Variants in DOCK4 observed in about 807,000 individuals in gnomAD.
The protein encoded by DOCK4 is dedicator of cytokinesis protein 4.
In DOCK4, 97 loss-of-function variants were observed where a neutral mutation model predicts 268.1. The observed-to-expected ratio is 0.36, with a 90% CI of 0.31 to 0.43. The LOEUF is 0.43. DOCK4 is among the 20% of genes least tolerant of loss of function. The probability of loss-of-function intolerance (pLI) is 1.00; values close to 1 mark genes in which losing one functional copy is unlikely to be tolerated. For missense variants in DOCK4, 2,145 were observed against 2,455.7 expected, an observed-to-expected ratio of 0.87 and a Z score of 2.67; for synonymous variants, 954 against 887.2, an observed-to-expected ratio of 1.08 and a Z score of -1.34.
intron 41 of DOCK4, 42 bp downstream of exon 41, chr7:111,758,582 G>GTCTA (rs1797188500): frequency 1.2e-6 from 2 of 1,605,926 alleles, no homozygotes; most frequent in Non-Finnish European, 1.7e-6. Flanking sequence ...GGGGCTCGCA[G>GTCTA]TCTATCTGAG....
chr7:112,097,276 A>G (rs575725034), intron 1 of DOCK4, among the ~76,000 whole-genome samples: 11 of 152,332 alleles, frequency 7.2e-5, no homozygotes, highest in African/African-American at 2.6e-4. Flanking sequence ...GAAGGATGAA[A>G]AAGATTCAGG....
chr7:111,905,257 G>T (rs1228287812), intron 13 of DOCK4, among the ~76,000 whole-genome samples: 1 of 152,198 alleles, frequency 6.6e-6, no homozygotes. Context: ...CATCAAGTCA[G>T]TATGAAATGG....
intron 13 of DOCK4, among the ~76,000 whole-genome samples, chr7:111,905,196 CAT>C (rs1175963499): frequency 6.6e-6 from 1 of 152,176 alleles, no homozygotes; most frequent in African/African-American, 2.4e-5. Flanking sequence ...GGAGAAAACT[CAT>C]GAGTCCAAAT....
chr7:111,734,972 C>T, intron 51 of DOCK4, 82 bp downstream of exon 51: 1 of 1,117,854 alleles, frequency 8.9e-7, no homozygotes, highest in Non-Finnish European at 1.3e-6. Flanking sequence ...GCCTACCTTT[C>T]TCTCAGGAAT....
chr7:111,906,139 C>G (rs1223772789), intron 13 of DOCK4, among the ~76,000 whole-genome samples: 1 of 152,060 alleles, frequency 6.6e-6, no homozygotes, highest in Admixed American at 6.6e-5. Flanking sequence ...AAATAAGCTA[C>G]TGCAATTCAG....
intron 8 of DOCK4, chr7:111,953,572 G>A (rs563960787): frequency 6.6e-6 from 1 of 152,334 alleles, no homozygotes; most frequent in Admixed American, 6.5e-5. Context: ...GAATTGTTGA[G>A]CTAAAGGCAA....
chr7:112,098,709 C>T (rs182561865), intron 1 of DOCK4, among the ~76,000 whole-genome samples: 19 of 148,414 alleles, frequency 1.3e-4, no homozygotes, highest in African/African-American at 4.2e-4. Flanking sequence ...TGTAATTTTA[C>T]ATAATTATAT....
intron 1 of DOCK4, among the ~76,000 whole-genome samples, chr7:112,129,700 T>G (rs1032694410): frequency 2.6e-5 from 4 of 152,176 alleles, no homozygotes; most frequent in African/African-American, 9.7e-5. Flanking sequence ...TTATAATTAT[T>G]TCAAATGTAA....
At chr7:112,176,548 G>T (rs12672710) in intron 1 of DOCK4, among the ~76,000 whole-genome samples, 18,812 of 152,006 alleles carry the variant, frequency 0.12, 1,299 homozygotes, top group Admixed American at 0.19. Flanking sequence ...AAATGTATTG[G>T]AAAAAAACTA....
intron 8 of DOCK4, chr7:111,976,917 T>C (rs1798248916): frequency 2.2e-6 from 1 of 458,418 alleles, no homozygotes; most frequent in African/African-American, 1.9e-5. Context: ...TCTGATTCTA[T>C]AGCCCTTATG....
intron 52 of DOCK4, among the ~76,000 whole-genome samples, chr7:111,730,724 T>C (rs143228706): frequency 5.4e-4 from 82 of 152,256 alleles, no homozygotes; most frequent in Non-Finnish European, 1.1e-3. Context: ...TGCCCCCTAA[T>C]GTAACCCAGG....
At chr7:111,750,589 G>A (rs1165619777) in intron 42 of DOCK4, among the ~76,000 whole-genome samples, 1 of 152,170 alleles carries the variant, frequency 6.6e-6, no homozygotes, top group Admixed American at 6.5e-5. Flanking sequence ...TGGGGAAGAA[G>A]GACCTAGCAG....
At chr7:111,944,971 A>G in intron 9 of DOCK4, 100 bp from the exon 10 acceptor site, 2 of 906,956 alleles carry the variant, frequency 2.2e-6, no homozygotes, top group East Asian at 2.5e-5. Context: ...AGATGGACAC[A>G]GACATTCTTA....
chr7:111,913,472 C>T (rs1364592077), intron 13 of DOCK4, among the ~76,000 whole-genome samples: 16 of 148,038 alleles, frequency 1.1e-4, no homozygotes, highest in South Asian at 2.2e-4. Flanking sequence ...TGCAGTGGCG[C>T]GATCTCCGCT....
chr7:111,856,915 G>C (rs1170953465), intron 23 of DOCK4, among the ~76,000 whole-genome samples: 3 of 151,810 alleles, frequency 2.0e-5, no homozygotes, highest in Non-Finnish European at 4.4e-5. Context: ...TACATTTTTT[G>C]CAATGGTCCT....
chr7:111,749,929 T>C (rs1796520674), intron 42 of DOCK4, among the ~76,000 whole-genome samples: 4 of 152,160 alleles, frequency 2.6e-5, no homozygotes, highest in Admixed American at 2.0e-4. Context: ...GAATCAGTGG[T>C]TACAGTGGGG....
chr7:111,911,818 T>A (rs1036885049), intron 13 of DOCK4, among the ~76,000 whole-genome samples: 3 of 152,206 alleles, frequency 2.0e-5, no homozygotes, highest in Non-Finnish European at 4.4e-5. Context: ...GTTTTTTTTT[T>A]TAATATATTA....
chr7:112,115,890 G>A (rs572694358), intron 1 of DOCK4, among the ~76,000 whole-genome samples: 1 of 152,252 alleles, frequency 6.6e-6, no homozygotes, highest in Non-Finnish European at 1.5e-5. Flanking sequence ...ATATTGTCCA[G>A]GTTGGTCTCA....
chr7:112,020,625 A>G (rs751901944), intron 1 of DOCK4, among the ~76,000 whole-genome samples: 31 of 151,806 alleles, frequency 2.0e-4, no homozygotes, highest in South Asian at 8.3e-4. Context: ...CATGTGGCAC[A>G]GAAGATAGGC....
Sources: allele counts gnomAD v4.1 joint callset (sites outside exome capture counted in the v4.1 genomes callset), GRCh38; gene constraint gnomAD v4.1.1; transcripts MANE v1.5; gene names NCBI Gene and HGNC (gene_info 2026-07-23, HGNC 2026-07-21).